Variants in CR1 observed in about 807,000 individuals in gnomAD.
The protein encoded by CR1 is complement receptor type 1.
CR1 carries 116 observed loss-of-function variants against 187.3 expected under a neutral mutation model. That is an observed-to-expected ratio of 0.62 (90% CI 0.53 to 0.72). The LOEUF (loss-of-function observed/expected upper bound fraction) is 0.72, where lower values mean the gene tolerates loss of function less well. Among genes scored for constraint, CR1 ranks in the 30% least tolerant of loss-of-function variants. The pLI is 0.00. For synonymous variants in CR1, 576 were observed against 747.1 expected (o/e 0.77, Z 3.73); for missense variants, 1,731 against 2,110.7 (o/e 0.82, Z 3.52).
intron 44 of CR1, 37 bp downstream of exon 44, chr1:207,622,033 A>C: frequency 6.4e-7 from 1 of 1,553,224 alleles, no homozygotes; most frequent in Non-Finnish European, 8.8e-7. Flanking sequence ...GAATTCTGGC[A>C]TCTATAACAG....
chr1:207,618,342 G>A, intron 42 of CR1, 95 bp downstream of exon 42: 1 of 1,151,834 alleles, frequency 8.7e-7, no homozygotes, highest in Non-Finnish European at 1.2e-6. Flanking sequence ...CTTAATGAAA[G>A]GGATAATATT....
intron 31 of CR1, among the ~76,000 whole-genome samples, chr1:207,581,008 G>C (rs1205151098): frequency 6.6e-6 from 1 of 151,972 alleles, no homozygotes; most frequent in Non-Finnish European, 1.5e-5. Flanking sequence ...ACTTATAGAG[G>C]CTCAGAAGTA....
intron 35 of CR1, chr1:207,605,980 C>A (rs756127544): frequency 2.6e-5 from 4 of 152,122 alleles, no homozygotes; most frequent in African/African-American, 7.2e-5. Context: ...GTTAGGATTT[C>A]CAGCTGTAAA....
intron 34 of CR1, among the ~76,000 whole-genome samples, chr1:207,587,819 G>T (rs1296755079): frequency 6.6e-6 from 1 of 152,234 alleles, no homozygotes; most frequent in African/African-American, 2.4e-5. Flanking sequence ...ATTTGCCCAA[G>T]ATATTTTGAT....
intron 28 of CR1, among the ~76,000 whole-genome samples, chr1:207,576,045 C>T (rs1660734481): frequency 6.6e-6 from 1 of 152,232 alleles, no homozygotes; most frequent in Non-Finnish European, 1.5e-5. Context: ...CTTAGTATCA[C>T]ATCAGATATT....
intron 34 of CR1, 43 bp downstream of exon 34, chr1:207,587,608 C>T: frequency 6.3e-7 from 1 of 1,575,776 alleles, no homozygotes; most frequent in South Asian, 1.2e-5. Flanking sequence ...TCTGTTAAAG[C>T]ATAGGTGGGA....
At chr1:207,566,345 G>T (rs2102325588) in intron 24 of CR1, among the ~76,000 whole-genome samples, 1 of 147,884 alleles carries the variant, frequency 6.8e-6, no homozygotes, top group Non-Finnish European at 1.5e-5. Context: ...TCCCATCAAA[G>T]TGCAGTCAGT....
chr1:207,576,801 C>T (rs1193031110), intron 28 of CR1, among the ~76,000 whole-genome samples: 2 of 152,130 alleles, frequency 1.3e-5, no homozygotes, highest in Admixed American at 1.3e-4. Context: ...GCCCGGGCAG[C>T]AGAGCCAGAC....
At chr1:207,637,555 A>G (rs1662855011) in intron 46 of CR1, among the ~76,000 whole-genome samples, 2 of 151,790 alleles carry the variant, frequency 1.3e-5, no homozygotes, top group African/African-American at 4.8e-5. Flanking sequence ...GAATCTACTG[A>G]TGGGACTGAC....
intron 29 of CR1, among the ~76,000 whole-genome samples, chr1:207,579,931 G>T (rs1299663414): frequency 6.6e-6 from 1 of 152,154 alleles, no homozygotes; most frequent in African/African-American, 2.4e-5. Context: ...CAGAGAAATT[G>T]GGGGAAATCT....
At chr1:207,507,383 G>T (rs1323037581) in intron 3 of CR1, 2 of 152,472 alleles carry the variant, frequency 1.3e-5, no homozygotes, top group Non-Finnish European at 2.9e-5. Context: ...CTTCCTTGGC[G>T]TGTGGCAGCA....
At chr1:207,576,267 G>T (rs1168578930) in intron 28 of CR1, among the ~76,000 whole-genome samples, 2 of 152,190 alleles carry the variant, frequency 1.3e-5, no homozygotes, top group Non-Finnish European at 2.9e-5. Context: ...TTGGTGGCAG[G>T]ATAAGTGGGA....
chr1:207,602,367 T>C (rs1278225776), intron 35 of CR1, among the ~76,000 whole-genome samples: 1 of 152,062 alleles, frequency 6.6e-6, no homozygotes, highest in Non-Finnish European at 1.5e-5. Context: ...TTTGCTAATA[T>C]AAATACTAAA....
intron 3 of CR1, among the ~76,000 whole-genome samples, chr1:207,509,039 A>C (rs1558215906): frequency 6.6e-6 from 1 of 152,160 alleles, no homozygotes; most frequent in Non-Finnish European, 1.5e-5. Context: ...TATTTTCTGA[A>C]TCTCATTATT....
chr1:207,621,252 G>A (rs1662307633), intron 43 of CR1, among the ~76,000 whole-genome samples: 1 of 152,232 alleles, frequency 6.6e-6, no homozygotes, highest in Non-Finnish European at 1.5e-5. Flanking sequence ...TCTGGTCTCG[G>A]TGACAAGAGC....
chr1:207,627,178 G>C (rs1662506597), intron 45 of CR1, among the ~76,000 whole-genome samples: 1 of 152,152 alleles, frequency 6.6e-6, no homozygotes, highest in Non-Finnish European at 1.5e-5. Flanking sequence ...AACTATCCTA[G>C]TAAAGATGAC....
At position 207,609,324 on chromosome 1, in the gene CR1, T is replaced by C; in HGVS notation, c.5931T>C (p.Asn1977=). ...GTGAGCCACCTCCAACCATATCCAA[T>C]GGAGACTTCTACAGCAACAATAGAA... ...ISCEPPPTIS[N]GDFYSNNRTS... The change falls in exon 37 of 47, where the codon AAT becomes AAC. Residue 1977 remains asparagine, a synonymous_variant. Coordinates refer to ENST00000367049, the MANE Select transcript of CR1 (RefSeq NM_000651.6). The C allele has an allele frequency of 1.2e-6, 2 of 1,613,916 alleles. No homozygotes were observed. The highest frequency in any genetic ancestry group is 2.2e-5 in the South Asian group (2 of 91,072).
At chr1:207,601,662 C>T (rs1004941913) in intron 35 of CR1, among the ~76,000 whole-genome samples, 8 of 152,130 alleles carry the variant, frequency 5.3e-5, no homozygotes, top group Non-Finnish European at 1.2e-4. Context: ...TTCCTAATGA[C>T]TAATGATGTG....
intron 32 of CR1, 70 bp downstream of exon 32, chr1:207,582,073 A>T: frequency 1.8e-6 from 2 of 1,137,718 alleles, no homozygotes; most frequent in South Asian, 2.8e-5. Flanking sequence ...GCCCCATGGG[A>T]TTATCTATTG....
Sources: allele counts gnomAD v4.1 joint callset (sites outside exome capture counted in the v4.1 genomes callset), GRCh38; gene constraint gnomAD v4.1.1; transcripts MANE v1.5; gene names NCBI Gene and HGNC (gene_info 2026-07-23, HGNC 2026-07-21).